Variants in PRRC2C observed in about 807,000 individuals in gnomAD.
PRRC2C encodes the protein proline rich coiled-coil 2C.
PRRC2C carries 72 observed loss-of-function variants against 317.2 expected under a neutral mutation model. That is an observed-to-expected ratio of 0.23 (90% confidence interval 0.19 to 0.28). The LOEUF (loss-of-function observed/expected upper bound fraction) is 0.28. PRRC2C is among the 10% of genes least tolerant of loss of function. The pLI is 1.00. For missense variants in PRRC2C, 3,074 were observed against 3,459.7 expected, an observed-to-expected ratio of 0.89 and a Z score of 2.80; for synonymous variants, 1,296 against 1,205.9, an observed-to-expected ratio of 1.07 and a Z score of -1.55.
At chr1:171,498,036 A>G (rs1334371515) in intron 1 of PRRC2C, among the ~76,000 whole-genome samples, 1 of 145,538 alleles carries the variant, frequency 6.9e-6, no homozygotes, top group East Asian at 2.0e-4. Flanking sequence ...TGTGTTGCCC[A>G]GGCTGGTCTT....
intron 25 of PRRC2C, among the ~76,000 whole-genome samples, chr1:171,576,349 T>C (rs1572100213): frequency 6.6e-6 from 1 of 152,292 alleles, no homozygotes; most frequent in Non-Finnish European, 1.5e-5. Flanking sequence ...TAGGATAATT[T>C]TTTTAACAAG....
chr1:171,571,447 G>A (rs1684755718), intron 24 of PRRC2C, 26 bp downstream of exon 24: 1 of 1,497,844 alleles, frequency 6.7e-7, no homozygotes, highest in East Asian at 2.3e-5. Context: ...ATCTCTAAGA[G>A]TCCTTAATTG....
At chr1:171,522,409 C>A (rs780124394) in intron 7 of PRRC2C, 150 bp downstream of exon 7, 11 of 427,102 alleles carry the variant, frequency 2.6e-5, no homozygotes, top group Non-Finnish European at 4.7e-5. Context: ...TTGGCTAACT[C>A]TTATAAGACA....
intron 1 of PRRC2C, among the ~76,000 whole-genome samples, chr1:171,504,006 CAT>C (rs759746225): frequency 2.8e-4 from 43 of 152,236 alleles, no homozygotes; most frequent in African/African-American, 7.9e-4. Context: ...CCTCCCATGA[CAT>C]GTGGGAATTG....
At chr1:171,500,044 A>T (rs1013168063) in intron 1 of PRRC2C, among the ~76,000 whole-genome samples, 2 of 152,194 alleles carry the variant, frequency 1.3e-5, no homozygotes, top group Non-Finnish European at 2.9e-5. Flanking sequence ...TTCATTTTTA[A>T]TGTTAACTAT....
chr1:171,526,695 T>G lies in PRRC2C; in HGVS notation c.1201-1096T>G, dbSNP rs183169702. Among the ~76,000 whole-genome samples the G allele has an allele frequency of 7.2e-5, 11 of 152,058 alleles. No homozygotes were observed. The East Asian group carries it at 1.9e-3, about 27-fold the overall frequency. ...TAACCTTACTGAAATAGCAGAGTGA[T>G]TGCATAAAAGTAATCTTGTAATGAG... On this transcript the variant is annotated intron_variant, in intron 10 of 34. Transcript: ENST00000647382.
At position 171,557,229 on chromosome 1, in the gene PRRC2C, A is replaced by T. The variant is rs1349246422; in HGVS notation, c.5128-11A>T. 1 of 1,528,702 alleles carries T rather than the reference A, an allele frequency of 6.5e-7. No individual in the cohort carries two copies. Among genetic ancestry groups the T allele is most frequent in the Admixed American group, 2.2e-5 (1 of 46,140 alleles). The allele number at this position is 1,528,702 out of a possible 1,614,324, so 94.7% of individuals were successfully genotyped here. A position where few individuals can be genotyped will look rare whatever the true frequency, so the allele number is the denominator to read the frequency against. ...ATTATTGACAAAAATGGTCCCCGTTAATTTTTTAAGGTCTGGAACAAAAAG... is the reference window on the plus strand; with the variant it reads ...ATTATTGACAAAAATGGTCCCCGTTTATTTTTTAAGGTCTGGAACAAAAAG... On this transcript the variant is annotated splice_polypyrimidine_tract_variant and intron_variant, in intron 18 of 34. Coordinates refer to ENST00000647382, the MANE Select transcript of PRRC2C (RefSeq NM_001387844.1).
At chr1:171,574,760 T>TC (rs1360433597) in intron 24 of PRRC2C, among the ~76,000 whole-genome samples, 167 bp from the exon 25 acceptor site, 2 of 152,218 alleles carry the variant, frequency 1.3e-5, no homozygotes, top group Admixed American at 6.5e-5. Context: ...AAATGGAAAG[T>TC]CTGAAATCCC....
At chr1:171,586,954 G>A (rs1398062232) in intron 30 of PRRC2C, 49 bp from the exon 31 acceptor site, 3 of 1,337,966 alleles carry the variant, frequency 2.2e-6, no homozygotes, top group Non-Finnish European at 3.1e-6. Context: ...GGATATGTCT[G>A]TAGTAAACAG....
rs374535798 is a variant in PRRC2C at position 171,571,326 on chromosome 1, C to T, written c.6658C>T (p.Leu2220=). 303 of 1,604,256 alleles carry T rather than the reference C, an allele frequency of 1.9e-4. 1 individual carries two copies. The highest frequency in any genetic ancestry group is 6.6e-4 in the Middle Eastern group (4 of 6,046). The change falls in exon 24 of 35, where the codon CTG becomes TTG. Residue 2220 remains leucine, a synonymous_variant. Coordinates refer to ENST00000647382, the MANE Select transcript of PRRC2C (RefSeq NM_001387844.1). ...GTGTTGCCTACCTTTTCAGGTGCCC[C>T]TGCCCAACACCCTTCCCCTCCCTAA... ...MEDTLVNNVP[L]PNTLPLPKRE... is the part of the protein sequence containing the mutation.
chr1:171,536,152 A>G lies in PRRC2C; in HGVS notation c.2167A>G (p.Met723Val), dbSNP rs376665075. The change falls in exon 14 of 35, where the codon ATG becomes GTG. Residue 723 changes from methionine to valine, a missense_variant. Transcript: ENST00000647382. ...PPPHRPLYQP[M>V]QPHPQHLASM... ...ACCACACAGACCTCTTTATCAGCCTATGCAGCCTCATCCTCAGCATTTGGC... is the reference window on the plus strand; with the variant it reads ...ACCACACAGACCTCTTTATCAGCCTGTGCAGCCTCATCCTCAGCATTTGGC... 88 of 1,605,292 alleles carry G rather than the reference A, an allele frequency of 5.5e-5. No individual in the cohort carries two copies. The highest frequency in any genetic ancestry group is 1.2e-4 in the Admixed American group (7 of 58,724).
At chr1:171,552,614 CTTA>C (rs1211971074) in intron 18 of PRRC2C, among the ~76,000 whole-genome samples, 3 of 152,066 alleles carry the variant, frequency 2.0e-5, no homozygotes, top group African/African-American at 4.8e-5. Flanking sequence ...ATAAGTAGCT[CTTA>C]TTATTTTGAG....
chr1:171,518,098 G>A (rs1287024960), intron 6 of PRRC2C, among the ~76,000 whole-genome samples: 1 of 152,112 alleles, frequency 6.6e-6, no homozygotes, highest in Non-Finnish European at 1.5e-5. Flanking sequence ...TACCAGATAG[G>A]AAACAAATCA....
chr1:171,535,917 T>C (rs1456169202), intron 13 of PRRC2C, 112 bp from the exon 14 acceptor site: 2 of 1,354,258 alleles, frequency 1.5e-6, no homozygotes, highest in Non-Finnish European at 2.0e-6. Context: ...CCTTTTGAAC[T>C]CTTACTTTTC....
At position 171,554,691 on chromosome 1, in the gene PRRC2C, TA is replaced by T. The variant is rs549720867; in HGVS notation, c.5128-2546del. On this transcript the variant is annotated intron_variant, in intron 18 of 34. Transcript: ENST00000647382. ...AAATCTCTCAGCATTTGCTTGTCTG[TA>T]AAGGATTTTATTTCTCCTTCACTTA... Among the ~76,000 whole-genome samples, 731 of 152,318 alleles carry T rather than the reference TA, an allele frequency of 4.8e-3. 4 individuals carry two copies. Among genetic ancestry groups the T allele is most frequent in the African/African-American group, 0.016 (681 of 41,570 alleles).
chr1:171,514,135 G>C (rs1169657428), intron 3 of PRRC2C, among the ~76,000 whole-genome samples: 1 of 152,164 alleles, frequency 6.6e-6, no homozygotes, highest in Admixed American at 6.5e-5. Flanking sequence ...AGTTTGCTTA[G>C]CTTTAGCCCT....
chr1:171,520,797 C>T (rs1356120982), intron 6 of PRRC2C, among the ~76,000 whole-genome samples: 4 of 109,326 alleles, frequency 3.7e-5, no homozygotes, highest in Non-Finnish European at 3.5e-5. Flanking sequence ...ATTTCTTCTC[C>T]TTTTTTTTTT....
intron 18 of PRRC2C, among the ~76,000 whole-genome samples, chr1:171,551,777 G>T (rs1680296831): frequency 1.3e-5 from 2 of 151,988 alleles, no homozygotes; most frequent in Non-Finnish European, 2.9e-5. Flanking sequence ...GTTGTAGATG[G>T]GTGGTGTTAT....
intron 1 of PRRC2C, among the ~76,000 whole-genome samples, chr1:171,494,164 TAGAC>T (rs1181547194): frequency 1.3e-5 from 2 of 152,206 alleles, no homozygotes; most frequent in Non-Finnish European, 2.9e-5. Flanking sequence ...AAGTAATCGG[TAGAC>T]AGAACAGCTG....
Sources: gnomAD v4.1 joint callset for allele counts (sites outside exome capture counted in the v4.1 genomes callset) on GRCh38, gnomAD v4.1.1 for gene constraint, MANE v1.5 for transcripts, NCBI Gene and HGNC (gene_info 2026-07-23, HGNC 2026-07-21) for gene names.